Variants in AFF4 observed in about 807,000 individuals in gnomAD.
AFF4 encodes the protein AF4/FMR2 family member 4.
A neutral mutation model predicts 124.8 loss-of-function variants in AFF4; 13 were observed. That is an observed-to-expected ratio of 0.10 (90% CI 0.07 to 0.17). The LOEUF is 0.17. AFF4 is among the 10% of genes least tolerant of loss of function. The pLI is 1.00. For missense variants in AFF4, 1,092 were observed against 1,403.8 expected, an observed-to-expected ratio of 0.78 and a Z score of 3.55; for synonymous variants, 477 against 496.1, an observed-to-expected ratio of 0.96 and a Z score of 0.51.
intron 5 of AFF4, among the ~76,000 whole-genome samples, chr5:132,925,730 C>A (rs1042253251): frequency 1.3e-5 from 2 of 152,198 alleles, no homozygotes; most frequent in Non-Finnish European, 2.9e-5. Context: ...TTACTCAAAA[C>A]ACTGCTGTTT....
intron 8 of AFF4, 31 bp downstream of exon 8, chr5:132,899,556 G>A (rs1456518899): frequency 1.3e-6 from 2 of 1,575,610 alleles, no homozygotes; most frequent in Non-Finnish European, 1.7e-6. Context: ...TACTATATGA[G>A]ACTGGCAAAA....
At chr5:132,959,294 G>C (rs1000407890) in intron 1 of AFF4, among the ~76,000 whole-genome samples, 2 of 151,840 alleles carry the variant, frequency 1.3e-5, no homozygotes, top group African/African-American at 4.8e-5. Flanking sequence ...GCTAATTTTT[G>C]TATTTTTAGT....
intron 2 of AFF4, among the ~76,000 whole-genome samples, chr5:132,935,761 A>G (rs1761412368): frequency 6.6e-6 from 1 of 151,354 alleles, no homozygotes; most frequent in South Asian, 2.1e-4. Context: ...CATCTCCGAA[A>G]AAAAAAAAAA....
chr5:132,889,591 T>G (rs1308396200), intron 13 of AFF4, among the ~76,000 whole-genome samples: 1 of 152,236 alleles, frequency 6.6e-6, no homozygotes, highest in Non-Finnish European at 1.5e-5. Flanking sequence ...ACTAAGTACT[T>G]AGCATTATTG....
In AFF4 at chr5:132,896,794, A is replaced by T; in HGVS notation, c.1836T>A (p.Asn612Lys). The T allele has an allele frequency of 6.2e-7, 1 of 1,613,894 alleles. No homozygotes were observed. Among genetic ancestry groups the T allele is most frequent in the Non-Finnish European group, 8.5e-7 (1 of 1,179,958 alleles). The change falls in exon 11 of 21, where the codon AAT becomes AAA. Residue 612 changes from asparagine to lysine, a missense_variant. Asn to Lys is a moderately conservative substitution (Grantham distance 94, BLOSUM62 0). Around this residue, in one of 11 missense-constraint regions of AFF4, gnomAD observed 174 missense variants for 205.9 expected, o/e 0.84. Transcript: ENST00000265343. ...KAATKGSRKP[N>K]IKKESKSSPR... is the part of the protein sequence containing the mutation. ...GGGAAGACTTAGACTCCTTCTTTAT[A>T]TTGGGTTTCCTTGAGCCTTTGGTGG...
At chr5:132,953,626 C>T (rs1761890586) in intron 1 of AFF4, among the ~76,000 whole-genome samples, 1 of 152,130 alleles carries the variant, frequency 6.6e-6, no homozygotes, top group Non-Finnish European at 1.5e-5. Context: ...ACCAACCACT[C>T]CTCCTCCAGT....
rs770896777 is a variant in AFF4 at position 132,897,010 on chromosome 5, T to A, written c.1620A>T (p.Ser540=). The change falls in exon 11 of 21, where the codon TCA becomes TCT. Residue 540 remains serine (S), a synonymous_variant. Coordinates refer to ENST00000265343, the MANE Select transcript of AFF4 (RefSeq NM_014423.4). ...ATTTCTGCCTCCCACGCCCACTTTCTGATCCCTTTTGGATGGTTTTGGAGT... is the reference window on the plus strand; with the variant it reads ...ATTTCTGCCTCCCACGCCCACTTTCAGATCCCTTTTGGATGGTTTTGGAGT... ...GRDSKTIQKG[S]ESGRGRQKSP... The A allele has an allele frequency of 3.1e-6, 5 of 1,614,108 alleles. No individual in the cohort carries two copies. In the African/African-American group the frequency reaches 6.7e-5, roughly 22 times the overall value.
chr5:132,955,587 A>G (rs1761935456), intron 1 of AFF4, among the ~76,000 whole-genome samples: 1 of 151,794 alleles, frequency 6.6e-6, no homozygotes, highest in South Asian at 2.1e-4. Context: ...GACCAGCCTG[A>G]TCAACATGGT....
chr5:132,963,124 C>T, intron 1 of AFF4, 135 bp downstream of exon 1: 1 of 343,388 alleles, frequency 2.9e-6, no homozygotes, highest in Non-Finnish European at 5.2e-6. Context: ...GGGGTGACGC[C>T]TGATTGAGCA....
chr5:132,910,682 C>T (rs1238579302), intron 5 of AFF4, among the ~76,000 whole-genome samples: 1 of 152,190 alleles, frequency 6.6e-6, no homozygotes, highest in Non-Finnish European at 1.5e-5. Context: ...TGAGGTGTCT[C>T]ACAAACACCA....
At chr5:132,888,248 T>G in intron 14 of AFF4, 88 bp from the exon 15 acceptor site, 2 of 964,932 alleles carry the variant, frequency 2.1e-6, no homozygotes, top group Admixed American at 5.2e-5. Flanking sequence ...TCAGTTTTTA[T>G]GTCCTCAAGC....
chr5:132,952,030 A>T (rs1296760499), intron 1 of AFF4, among the ~76,000 whole-genome samples: 1 of 152,208 alleles, frequency 6.6e-6, no homozygotes, highest in Non-Finnish European at 1.5e-5. Flanking sequence ...TCTACTCTCC[A>T]GATGACACAT....
At chr5:132,913,237 A>G (rs1245061298) in intron 5 of AFF4, among the ~76,000 whole-genome samples, 1 of 152,240 alleles carries the variant, frequency 6.6e-6, no homozygotes, top group African/African-American at 2.4e-5. Flanking sequence ...ATTAAGAGGT[A>G]ACAATCCTAA....
At chr5:132,891,931 G>A (rs373665517) in intron 13 of AFF4, 3 of 629,438 alleles carry the variant, frequency 4.8e-6, no homozygotes. Context: ...ACAGGTATGA[G>A]CCACTGTACC....
At chr5:132,915,714 C>A (rs1205396209) in intron 5 of AFF4, among the ~76,000 whole-genome samples, 1 of 151,380 alleles carries the variant, frequency 6.6e-6, no homozygotes, top group Non-Finnish European at 1.5e-5. Flanking sequence ...ACTACAAGCA[C>A]CCACCACCAC....
At chr5:132,938,642 G>A (rs1429081614) in intron 1 of AFF4, among the ~76,000 whole-genome samples, 1 of 151,666 alleles carries the variant, frequency 6.6e-6, no homozygotes, top group Non-Finnish European at 1.5e-5. Context: ...CATACTAAGT[G>A]TCATGCAATA....
rs1312260985 is a variant in AFF4, at chr5:132,891,919, C to A, written c.2637+245G>T. ...ATCTTAGCCTCCCAAATAGCTGGGACTACAGGTATGAGCCACTGTACCCAA... is the reference window on the plus strand; with the variant it reads ...ATCTTAGCCTCCCAAATAGCTGGGAATACAGGTATGAGCCACTGTACCCAA... On this transcript the variant is annotated intron_variant, in intron 13 of 20. Coordinates refer to ENST00000265343, the MANE Select transcript of AFF4 (RefSeq NM_014423.4). The A allele has an allele frequency of 5.1e-6, 3 of 590,232 alleles. No homozygotes were observed. In the South Asian group the frequency reaches 7.4e-5, roughly 15 times the overall value. 36.6% of individuals were successfully genotyped at this position (590,232 alleles called of 1,614,324 possible).
chr5:132,914,097 G>T (rs965410933), intron 5 of AFF4, among the ~76,000 whole-genome samples: 2 of 151,568 alleles, frequency 1.3e-5, no homozygotes, highest in East Asian at 3.9e-4. Context: ...GCATGGTAGT[G>T]TATGCTTGTA....
intron 4 of AFF4, chr5:132,927,703 T>C (rs1486179368): frequency 6.5e-6 from 1 of 153,452 alleles, no homozygotes; most frequent in Non-Finnish European, 1.4e-5. Flanking sequence ...ACAAAAGTTA[T>C]TTATTCAAGG....
Sources: allele counts gnomAD v4.1 joint callset (sites outside exome capture counted in the v4.1 genomes callset), GRCh38; gene constraint gnomAD v4.1.1; regional missense constraint gnomAD v4.1.1; transcripts MANE v1.5; gene names NCBI Gene and HGNC (gene_info 2026-07-23, HGNC 2026-07-21).